The following AP4E1 variants were observed in gnomAD, a reference collection of about 807,000 sequenced individuals.
AP4E1 encodes adaptor related protein complex 4 subunit epsilon 1, also known as AP-4 complex subunit epsilon-1.
AP4E1 carries 56 observed loss-of-function variants against 128.2 expected under a neutral mutation model. That is an observed-to-expected ratio of 0.44 (90% CI 0.35 to 0.55). AP4E1 has a LOEUF of 0.55. Ranked by LOEUF, AP4E1 falls within the 20% of genes least tolerant of loss-of-function variation. AP4E1 has a pLI of 0.00. For missense variants in AP4E1, 1,324 were observed against 1,307.7 expected, an observed-to-expected ratio of 1.01 and a Z score of -0.19; for synonymous variants, 484 against 473.1, an observed-to-expected ratio of 1.02 and a Z score of -0.30.
chr15:50,917,601 A>G (rs897476067), intron 3 of AP4E1, among the ~76,000 whole-genome samples: 6 of 152,234 alleles, frequency 3.9e-5, no homozygotes, highest in African/African-American at 1.4e-4. Flanking sequence ...ATTTATGAAC[A>G]GAAAGTCTTC....
intron 14 of AP4E1, among the ~76,000 whole-genome samples, chr15:50,961,809 A>G (rs571786524): frequency 2.0e-5 from 3 of 152,174 alleles, no homozygotes; most frequent in East Asian, 1.9e-4. Context: ...GAGGAAGTCA[A>G]ATTGTCCCTT....
chr15:50,990,916 T>C (rs1476670945), intron 16 of AP4E1, among the ~76,000 whole-genome samples: 1 of 152,108 alleles, frequency 6.6e-6, no homozygotes. Flanking sequence ...AGGAGTGTCG[T>C]TGGGATCAAC....
intron 8 of AP4E1, among the ~76,000 whole-genome samples, chr15:50,935,163 T>C (rs2063890995): frequency 6.6e-6 from 1 of 152,090 alleles, no homozygotes; most frequent in Non-Finnish European, 1.5e-5. Context: ...ATAAACTAGA[T>C]TGATGGACAG....
intron 10 of AP4E1, among the ~76,000 whole-genome samples, chr15:50,943,188 T>G (rs1025162107): frequency 7.2e-5 from 11 of 152,080 alleles, no homozygotes; most frequent in African/African-American, 2.4e-5. Flanking sequence ...CTTAGGATAA[T>G]GGCTTCCAGC....
chr15:50,990,143 G>T (rs576543123), intron 16 of AP4E1, among the ~76,000 whole-genome samples: 179 of 151,930 alleles, frequency 1.2e-3, no homozygotes, highest in African/African-American at 4.3e-3. Context: ...ATGTTTGAAT[G>T]GTCTGAATAA....
At chr15:50,934,757 A>G (rs896646218) in intron 8 of AP4E1, 60 bp downstream of exon 8, 1 of 1,112,646 alleles carries the variant, frequency 9.0e-7, no homozygotes, top group Admixed American at 1.7e-5. Context: ...TATTGCAGTT[A>G]AATCTGTGTT....
Position 50,941,358 on chromosome 15 carries a change from T to G in AP4E1, c.944-84T>G, listed in dbSNP as rs146543845. 3.6e-5 allele frequency: 53 copies of G among 1,467,174 alleles called. No homozygotes were observed. In the South Asian group the frequency reaches 4.2e-4, roughly 12 times the overall value. The allele number at this position is 1,467,174 out of a possible 1,614,324, so 90.9% of individuals were successfully genotyped here. A position where few individuals can be genotyped will look rare whatever the true frequency, so the allele number is the denominator to read the frequency against. ...TTCTGACTAAAATGGACTTTCCAAT[T>G]AGTTTTATTACAAGTTCTACACAAA... is the stretch of plus-strand genomic sequence containing the variant. On this transcript the variant is annotated intron_variant, in intron 8 of 20. Coordinates refer to ENST00000261842, the MANE Select transcript of AP4E1 (RefSeq NM_007347.5).
intron 7 of AP4E1, 96 bp downstream of exon 7, chr15:50,931,067 T>C: frequency 6.9e-7 from 1 of 1,446,388 alleles, no homozygotes; most frequent in Non-Finnish European, 9.7e-7. Flanking sequence ...ACCAGATTCT[T>C]CCAATGTTTA....
At chr15:50,950,607 TTTTTATTTTA>T (rs927300705) in intron 13 of AP4E1, among the ~76,000 whole-genome samples, 5 of 152,162 alleles carry the variant, frequency 3.3e-5, no homozygotes, top group African/African-American at 1.2e-4. Context: ...TTCTTCTTCT[TTTTTATTTTA>T]TTTTATTTTT....
intron 10 of AP4E1, among the ~76,000 whole-genome samples, chr15:50,946,335 T>C (rs183399932): frequency 1.3e-5 from 2 of 152,336 alleles, no homozygotes; most frequent in African/African-American, 2.4e-5. Context: ...ACGTCTCTTA[T>C]GTTATCTTTA....
At chr15:50,963,498 C>T (rs1324770765) in intron 14 of AP4E1, among the ~76,000 whole-genome samples, 1 of 152,006 alleles carries the variant, frequency 6.6e-6, no homozygotes, top group Admixed American at 6.5e-5. Context: ...ATTACATGTT[C>T]TTATGCATAT....
At chr15:50,984,417 C>T (rs1474734607) in intron 16 of AP4E1, among the ~76,000 whole-genome samples, 4 of 151,840 alleles carry the variant, frequency 2.6e-5, no homozygotes, top group African/African-American at 9.7e-5. Flanking sequence ...ATTAACTCGT[C>T]ATTTACATTA....
rs772284984 is a variant in AP4E1, at chr15:50,924,024, T to C, written c.420+20T>C. On this transcript the variant is annotated intron_variant, in intron 4 of 20. Transcript: ENST00000261842. Reference sequence around the variant, plus strand: ...GTAAAGGTATTGTATTGTATGTTGGTTAATATGAAGTCATAATTCTTGTCA... The same window carrying C: ...GTAAAGGTATTGTATTGTATGTTGGCTAATATGAAGTCATAATTCTTGTCA... 1.9e-6 allele frequency: 3 copies of C among 1,575,512 alleles called. No individual in the cohort carries two copies. Among genetic ancestry groups the C allele is most frequent in the East Asian group, 2.2e-5 (1 of 44,542 alleles).
In AP4E1 at chr15:50,941,747, A is replaced by G. The variant is rs2063991800; in HGVS notation, c.1148A>G (p.Asp383Gly). Reference sequence around the variant, plus strand: ...CAGATGACAATAATTGAATGTTTAGATCATCCTGATCCCATTATTAAAAGA... The same window carrying G: ...CAGATGACAATAATTGAATGTTTAGGTCATCCTGATCCCATTATTAAAAGA... ...QHQMTIIECLDHPDPIIKRET... is the reference protein window; with the variant it reads ...QHQMTIIECLGHPDPIIKRET... Residue 383 changes from aspartate to glycine, a missense_variant, in exon 10 of 21, where the codon GAT (aspartate) becomes GGT (glycine). Asp to Gly is a moderately conservative substitution (Grantham distance 94). Coordinates refer to ENST00000261842, the MANE Select transcript of AP4E1 (RefSeq NM_007347.5). 1 of 1,611,154 alleles carries G rather than the reference A, an allele frequency of 6.2e-7. No individual in the cohort carries two copies. The highest frequency in any genetic ancestry group is 1.3e-5 in the African/African-American group (1 of 74,940).
intron 7 of AP4E1, among the ~76,000 whole-genome samples, chr15:50,933,984 A>G (rs1240840024): frequency 6.6e-6 from 1 of 151,932 alleles, no homozygotes; most frequent in Non-Finnish European, 1.5e-5. Flanking sequence ...TGGAGAGGAT[A>G]TTTGTCTAAC....
chr15:50,998,420 A>G (rs970700883), intron 18 of AP4E1, among the ~76,000 whole-genome samples: 16 of 152,044 alleles, frequency 1.1e-4, no homozygotes, highest in Non-Finnish European at 2.4e-4. Flanking sequence ...TCACGAGGTC[A>G]GGAGTTTGAG....
rs528305109 is a variant in AP4E1 at position 50,935,903 on chromosome 15, A to T, written c.943+1206A>T. Among the ~76,000 whole-genome samples, 6 of 152,294 alleles carry T rather than the reference A, an allele frequency of 3.9e-5. No individual in the cohort carries two copies. In the South Asian group the frequency reaches 1.2e-3, roughly 32 times the overall value. ...TGGGGTGGTAAACTTTGAAGGATAG[A>T]TTTTTGTTTTGCATGTATGAATGGT... On this transcript the variant is annotated intron_variant, in intron 8 of 20. Coordinates refer to ENST00000261842, the MANE Select transcript of AP4E1 (RefSeq NM_007347.5).
chr15:50,996,075 G>A (rs917689601), intron 17 of AP4E1, among the ~76,000 whole-genome samples: 1 of 134,802 alleles, frequency 7.4e-6, no homozygotes. Context: ...TGCAACCTCT[G>A]CCTCCCAAGT....
chr15:50,983,795 A>T (rs1266591813), intron 15 of AP4E1, among the ~76,000 whole-genome samples: 1 of 152,126 alleles, frequency 6.6e-6, no homozygotes, highest in Non-Finnish European at 1.5e-5. Context: ...AAAATAAAGG[A>T]TAGTTGGTCT....
Sources: allele counts gnomAD v4.1 joint callset (sites outside exome capture counted in the v4.1 genomes callset), GRCh38; gene constraint gnomAD v4.1.1; transcripts MANE v1.5; gene names NCBI Gene and HGNC (gene_info 2026-07-23, HGNC 2026-07-21).